ZNG1A: variants seen among roughly 807,000 people sequenced by gnomAD.
ZNG1A encodes the protein zinc-regulated GTPase metalloprotein activator 1A.
chr9:128,408 G>C, the ZNG1A span, among the ~76,000 whole-genome samples: 4 of 151,646 alleles, frequency 2.6e-5, no homozygotes, highest in Admixed American at 2.6e-4. Context: ...TATTGGATTC[G>C]GTTAATTAGG....
the ZNG1A span, among the ~76,000 whole-genome samples, chr9:140,386 C>A: frequency 2.0e-5 from 3 of 149,976 alleles, no homozygotes; most frequent in Non-Finnish European, 4.4e-5. Flanking sequence ...CTGGGAGGCA[C>A]CCCCTAGCAG....
the ZNG1A span, among the ~76,000 whole-genome samples, chr9:145,692 G>T: frequency 6.7e-6 from 1 of 149,642 alleles, no homozygotes; most frequent in Non-Finnish European, 1.5e-5. Context: ...AAAACTTAAA[G>T]TATAATAATA....
the ZNG1A span, among the ~76,000 whole-genome samples, chr9:155,145 T>C: frequency 1.3e-5 from 2 of 151,788 alleles, no homozygotes; most frequent in African/African-American, 2.4e-5. Context: ...TAATTTTCTT[T>C]GTGAAGAAAA....
the ZNG1A span, among the ~76,000 whole-genome samples, chr9:143,147 C>T: frequency 1.4e-5 from 2 of 147,810 alleles, no homozygotes; most frequent in African/African-American, 5.1e-5. Context: ...CCTTCTGAAA[C>T]TATTCCAATC....
At chr9:168,909 G>T in the ZNG1A span, among the ~76,000 whole-genome samples, 1 of 152,026 alleles carries the variant, frequency 6.6e-6, no homozygotes, top group Non-Finnish European at 1.5e-5. Context: ...CATTGACAAC[G>T]CACCTGATCA....
the ZNG1A span, among the ~76,000 whole-genome samples, chr9:176,491 T>C: frequency 6.6e-6 from 1 of 151,890 alleles, no homozygotes; most frequent in African/African-American, 2.4e-5. Context: ...ACATGTCTTC[T>C]GAAATACATT....
the ZNG1A span, among the ~76,000 whole-genome samples, chr9:124,851 C>T: frequency 1.0e-4 from 15 of 147,092 alleles, no homozygotes; most frequent in Non-Finnish European, 1.9e-4. Context: ...TAATAGTCTC[C>T]AATCTTATCC....
chr9:157,224 T>C, the ZNG1A span, among the ~76,000 whole-genome samples: 1 of 145,492 alleles, frequency 6.9e-6, no homozygotes, highest in Non-Finnish European at 1.5e-5. Context: ...AAAAAATATT[T>C]TGACACTGAC....
chr9:167,098 T>TC, the ZNG1A span: 2 of 137,104 alleles, frequency 1.5e-5, no homozygotes, highest in African/African-American at 5.3e-5. Context: ...GCATTTTAGA[T>TC]TAAAAAAAAA....
At chr9:159,602 T>C in the ZNG1A span, among the ~76,000 whole-genome samples, 1 of 151,898 alleles carries the variant, frequency 6.6e-6, no homozygotes, top group Non-Finnish European at 1.5e-5. Context: ...AAAGGAACTC[T>C]CTGAAATAAC....
At chr9:133,436 G>A in the ZNG1A span, among the ~76,000 whole-genome samples, 2 of 149,478 alleles carry the variant, frequency 1.3e-5, no homozygotes, top group Admixed American at 1.3e-4. Context: ...TCTTACGCAC[G>A]TTTGAAATTT....
the ZNG1A span, among the ~76,000 whole-genome samples, chr9:169,770 AAT>A: frequency 1.3e-5 from 2 of 151,008 alleles, no homozygotes; most frequent in Non-Finnish European, 3.0e-5. Context: ...ATTTTTTAGC[AAT>A]AAATATTTTT....
At chr9:174,399 G>A in the ZNG1A span, among the ~76,000 whole-genome samples, 1 of 151,894 alleles carries the variant, frequency 6.6e-6, no homozygotes, top group Non-Finnish European at 1.5e-5. Context: ...TTAATAAAGA[G>A]CTTCTAAAGA....
the ZNG1A span, chr9:146,178 C>G: frequency 6.3e-7 from 1 of 1,581,458 alleles, no homozygotes; most frequent in South Asian, 1.1e-5. Flanking sequence ...AGAAAACTAA[C>G]GTGAGCAGTT....
At chr9:177,888 T>C in the ZNG1A span, 1 of 1,499,088 alleles carries the variant, frequency 6.7e-7, no homozygotes, top group Non-Finnish European at 9.0e-7. Flanking sequence ...GGAATAAACT[T>C]ACAGTCTACA....
chr9:133,355 G>C, the ZNG1A span, among the ~76,000 whole-genome samples: 2 of 134,590 alleles, frequency 1.5e-5, no homozygotes, highest in African/African-American at 5.9e-5. Context: ...AAGTGACATA[G>C]TGTCTGGAAT....
At chr9:170,353 G>C in the ZNG1A span, among the ~76,000 whole-genome samples, 1 of 134,650 alleles carries the variant, frequency 7.4e-6, no homozygotes, top group South Asian at 2.5e-4. Flanking sequence ...GTGTGTGTAT[G>C]AATGTGTGTG....
At chr9:156,162 T>C in the ZNG1A span, among the ~76,000 whole-genome samples, 1 of 144,290 alleles carries the variant, frequency 6.9e-6, no homozygotes, top group African/African-American at 2.5e-5. Context: ...TACATATATA[T>C]ATATATATAA....
chr9:170,355 A>ATGTGTG, the ZNG1A span, among the ~76,000 whole-genome samples: 1 of 145,194 alleles, frequency 6.9e-6, no homozygotes, highest in Non-Finnish European at 1.5e-5. Flanking sequence ...GTGTGTATGA[A>ATGTGTG]TGTGTGTGTG....
Sources: gnomAD v4.1 joint callset for allele counts (sites outside exome capture counted in the v4.1 genomes callset) on GRCh38, gnomAD v4.1.1 for gene constraint, MANE v1.5 for transcripts, NCBI Gene and HGNC (gene_info 2026-07-23, HGNC 2026-07-21) for gene names.